The following PADI2 variants were observed in gnomAD, a reference collection of about 807,000 sequenced individuals.
The protein encoded by PADI2 is peptidyl arginine deiminase 2, also known as protein-arginine deiminase type-2.
A neutral mutation model predicts 81.1 loss-of-function variants in PADI2; 70 were observed. That is an observed-to-expected ratio of 0.86 (90% CI 0.71 to 1.05). The LOEUF (loss-of-function observed/expected upper bound fraction) is 1.05, where lower values mean the gene tolerates loss of function less well. Ranked by LOEUF, PADI2 falls within the 50% of genes least tolerant of loss-of-function variation. The pLI is 0.00. For missense variants in PADI2, 853 were observed against 889.9 expected (o/e 0.96, Z 0.53); for synonymous variants, 338 against 358.0 (o/e 0.94, Z 0.63).
At chr1:17,071,567 C>A in intron 13 of PADI2, 76 bp from the exon 14 acceptor site, 1 of 1,180,246 alleles carries the variant, frequency 8.5e-7, no homozygotes, top group Non-Finnish European at 1.3e-6. Flanking sequence ...CCAAGATCCT[C>A]CAGGCCTGGG....
chr1:17,095,320 G>C (rs1356893603), intron 4 of PADI2, among the ~76,000 whole-genome samples: 1 of 152,234 alleles, frequency 6.6e-6, no homozygotes, highest in Non-Finnish European at 1.5e-5. Context: ...CATGCCTCCT[G>C]AGAGTCACCA....
In PADI2 at chr1:17,086,594, C is replaced by A. The variant is rs200384530; in HGVS notation, c.761G>T (p.Gly254Val). The A allele has an allele frequency of 4.3e-6, 7 of 1,613,970 alleles. No individual in the cohort carries two copies. The Admixed American group carries it at 5.0e-5, about 12-fold the overall frequency. ...GAAGCCCTCGTCGGGGAAACAGAGG[C>A]CTTCCACGAAGAACAGCAGCTCCGC... Reference protein sequence around the residue: ...GSAELLFFVEGLCFPDEGFSG... With the variant: ...GSAELLFFVEVLCFPDEGFSG... Residue 254 changes from glycine (G) to valine (V), a missense_variant, in exon 7 of 16, where the codon GGC (glycine) becomes GTC (valine). Transcript: ENST00000375486.
chr1:17,092,261 C>T (rs866614948), intron 6 of PADI2, 147 bp downstream of exon 6: 40 of 564,078 alleles, frequency 7.1e-5, no homozygotes, highest in Middle Eastern at 9.6e-4. Context: ...TTCAACTTCA[C>T]GGGACAACAG....
In PADI2 at chr1:17,074,882, C is replaced by T; in HGVS notation, c.1523G>A (p.Gly508Asp). Residue 508 changes from glycine (G) to aspartate (D), a missense_variant, in exon 13 of 16, where the codon GGC (glycine) becomes GAC (aspartate). Transcript: ENST00000375486. Reference protein sequence around the residue: ...YKLFREKQKDGHGEAIMFKGL... With the variant: ...YKLFREKQKDDHGEAIMFKGL... ...TTTGAACATGATGGCCTCTCCATGG[C>T]CGTCCTTCTGCTTCTCTCGGAAGAG... 4 of 1,612,726 alleles carry T rather than the reference C, an allele frequency of 2.5e-6. No homozygotes were observed. Among genetic ancestry groups the T allele is most frequent in the Non-Finnish European group, 2.5e-6 (3 of 1,179,334 alleles).
intron 3 of PADI2, among the ~76,000 whole-genome samples, chr1:17,100,045 T>TG (rs55943567): frequency 0.59 from 88,971 of 150,300 alleles, 26,514 homozygotes; most frequent in African/African-American, 0.65. Context: ...ATATTGGGGT[T>TG]GGGGGGGGGC....
At chr1:17,092,948 C>CAAAAAAAAAAAAAAA (rs1175202023) in intron 5 of PADI2, among the ~76,000 whole-genome samples, 1 of 60,118 alleles carries the variant, frequency 1.7e-5, no homozygotes, top group Non-Finnish European at 3.9e-5. Flanking sequence ...GGCCTTGTCT[C>CAAAAAAAAAAAAAAA]AAAAAAAAAA....
chr1:17,071,183 G>C (rs1411716874), intron 14 of PADI2, among the ~76,000 whole-genome samples: 5 of 152,150 alleles, frequency 3.3e-5, no homozygotes, highest in African/African-American at 1.2e-4. Flanking sequence ...CCCAAGTGAG[G>C]GGGCGGCACA....
chr1:17,101,188 G>T (rs930350057), intron 3 of PADI2, among the ~76,000 whole-genome samples: 1 of 152,088 alleles, frequency 6.6e-6, no homozygotes, highest in Admixed American at 6.5e-5. Context: ...CAGCCATGCC[G>T]CCAACTCTGA....
chr1:17,086,580 CG>C lies in PADI2; in HGVS notation c.774del (p.Asp259ThrfsTer24). The C allele has an allele frequency of 6.2e-7, 1 of 1,614,012 alleles. No individual in the cohort carries two copies. Among genetic ancestry groups the C allele is most frequent in the Non-Finnish European group, 8.5e-7 (1 of 1,179,970 alleles). On this transcript the variant is annotated frameshift_variant, in exon 7 of 16. Transcript: ENST00000375486. LOFTEE classifies it high-confidence loss of function. ...LLFFVEGLCF[P>X]DEGFSGLVSI... ...GAGACCAGGCCTGAGAAGCCCTCGT[CG>C]GGGAAACAGAGGCCTTCCACGAAGA...
chr1:17,075,610 C>T, intron 12 of PADI2, 69 bp downstream of exon 12: 2 of 1,420,738 alleles, frequency 1.4e-6, no homozygotes, highest in Admixed American at 2.2e-5. Context: ...TTGCCCTCTG[C>T]TGGCAGGGGC....
intron 1 of PADI2, among the ~76,000 whole-genome samples, chr1:17,112,577 G>A (rs1176437822): frequency 2.6e-5 from 4 of 152,106 alleles, no homozygotes; most frequent in Non-Finnish European, 5.9e-5. Context: ...GCGAGCAAGA[G>A]GCAGGCAAGG....
intron 1 of PADI2, among the ~76,000 whole-genome samples, chr1:17,105,450 C>T (rs1028371251): frequency 1.3e-5 from 2 of 151,892 alleles, no homozygotes; most frequent in South Asian, 4.2e-4. Flanking sequence ...GGCTGGAGTG[C>T]AATGGCACAA....
At chr1:17,085,357 C>T (rs1255951241) in intron 7 of PADI2, among the ~76,000 whole-genome samples, 2 of 152,128 alleles carry the variant, frequency 1.3e-5, no homozygotes, top group African/African-American at 2.4e-5. Context: ...GGTGGTGGGA[C>T]TGTTGCACGG....
intron 11 of PADI2, 109 bp downstream of exon 11, chr1:17,079,155 T>G: frequency 1.1e-6 from 1 of 903,052 alleles, no homozygotes; most frequent in Non-Finnish European, 1.7e-6. Context: ...TGGGAGGGAA[T>G]AATTCCCCCA....
intron 10 of PADI2, among the ~76,000 whole-genome samples, chr1:17,082,147 T>C (rs1448589647): frequency 1.3e-5 from 2 of 152,058 alleles, no homozygotes; most frequent in South Asian, 2.1e-4. Context: ...CCAAAAACCA[T>C]AGCCTCAAAG....
Position 17,093,663 on chromosome 1 carries a change from C to T in PADI2, c.433G>A (p.Glu145Lys), listed in dbSNP as rs201884124. 3.5e-5 allele frequency: 56 copies of T among 1,613,370 alleles called. No individual in the cohort carries two copies. Among genetic ancestry groups the T allele is most frequent in the East Asian group, 2.5e-4 (11 of 44,868 alleles). Residue 145 changes from glutamate to lysine, a missense_variant, in exon 5 of 16, where the codon GAG (glutamate) becomes AAG (lysine). Transcript: ENST00000375486. The part of the protein sequence containing the change: ...PKKASWTWGP[E>K]GQGAILLVNC... ...ACCAGCAGGATGGCCCCCTGGCCCT[C>T]GGGGCCCCAGGTCCAGGATGCCTAC...
intron 2 of PADI2, among the ~76,000 whole-genome samples, chr1:17,104,535 C>T (rs1179374055): frequency 4.6e-5 from 6 of 131,362 alleles, no homozygotes; most frequent in South Asian, 2.8e-4. Flanking sequence ...CCCGGGTTCA[C>T]GCCATTCTCC....
chr1:17,117,141 G>T (rs572570106), intron 1 of PADI2, among the ~76,000 whole-genome samples: 10 of 152,296 alleles, frequency 6.6e-5, no homozygotes, highest in African/African-American at 1.4e-4. Flanking sequence ...CTCTGCACTA[G>T]ACCTGTTCTG....
chr1:17,076,006 G>T (rs1007809743), intron 11 of PADI2, among the ~76,000 whole-genome samples, 183 bp from the exon 12 acceptor site: 1 of 152,178 alleles, frequency 6.6e-6, no homozygotes, highest in Non-Finnish European at 1.5e-5. Context: ...AGTCCCAGGG[G>T]AAAGAGTAGG....
Sources: gnomAD v4.1 joint callset for allele counts (sites outside exome capture counted in the v4.1 genomes callset) on GRCh38, gnomAD v4.1.1 for gene constraint, MANE v1.5 for transcripts, NCBI Gene and HGNC (gene_info 2026-07-23, HGNC 2026-07-21) for gene names.